TSPAN15: variants seen among roughly 807,000 people sequenced by gnomAD.
TSPAN15 encodes tetraspanin 15, also known as tetraspanin-15.
TSPAN15 carries 20 observed loss-of-function variants against 34.5 expected under a neutral mutation model. The ratio of observed to expected loss-of-function variants is 0.58; its 90% CI spans 0.41 to 0.84. The LOEUF is 0.84. Ranked by LOEUF, TSPAN15 falls within the 40% of genes least tolerant of loss-of-function variation. The pLI is 0.00. For synonymous variants in TSPAN15, 155 were observed against 153.9 expected (o/e 1.01, Z -0.05); for missense variants, 313 against 386.1 (o/e 0.81, Z 1.59).
chr10:69,534,014 ATACTC>A, the TSPAN15 span, among the ~76,000 whole-genome samples: 10 of 152,232 alleles, frequency 6.6e-5, no homozygotes, highest in African/African-American at 2.2e-4. Context: ...TTTCCACACA[ATACTC>A]TAGGAAAATT....
chr10:69,490,726 A>G (rs1049165824), intron 3 of TSPAN15, among the ~76,000 whole-genome samples: 15 of 152,232 alleles, frequency 9.9e-5, no homozygotes, highest in African/African-American at 3.4e-4. Flanking sequence ...TTCTGTCTCA[A>G]ACAAAACAAA....
chr10:69,507,415 G>A lies in TSPAN15; in HGVS notation c.*437G>A. 1 of 1,256,632 alleles carries A rather than the reference G, an allele frequency of 8.0e-7. No homozygotes were observed. The highest frequency in any genetic ancestry group is 2.9e-5 in the Admixed American group (1 of 34,762). The allele number at this position is 1,256,632 out of a possible 1,614,324, so 77.8% of individuals were successfully genotyped here. A position where few individuals can be genotyped will look rare whatever the true frequency, so the allele number is the denominator to read the frequency against. ...ATCTGGGGAAGGGCAGGAGGGAAGA[G>A]CTGTCCATGCAGCCACGCCCATGGC... On this transcript the variant is annotated 3_prime_UTR_variant, in exon 8 of 8. Transcript: ENST00000373290.
At chr10:69,484,822 C>T (rs774471539) in intron 2 of TSPAN15, among the ~76,000 whole-genome samples, 4 of 152,162 alleles carry the variant, frequency 2.6e-5, no homozygotes, top group East Asian at 1.9e-4. Context: ...TCAGTGGCAA[C>T]GAGGCCCAGC....
chr10:69,514,758 A>G, the TSPAN15 span, among the ~76,000 whole-genome samples: 4 of 152,178 alleles, frequency 2.6e-5, no homozygotes, highest in Non-Finnish European at 5.9e-5. Context: ...TAGATTTTAA[A>G]GATCTTCTCA....
At chr10:69,519,194 AT>A in the TSPAN15 span, among the ~76,000 whole-genome samples, 1 of 152,176 alleles carries the variant, frequency 6.6e-6, no homozygotes, top group Non-Finnish European at 1.5e-5. Context: ...AGACAGGTGG[AT>A]TGCTTGAGCC....
chr10:69,542,997 G>A, the TSPAN15 span, among the ~76,000 whole-genome samples: 1 of 152,330 alleles, frequency 6.6e-6, no homozygotes, highest in African/African-American at 2.4e-5. Flanking sequence ...GGATAGTTGG[G>A]GTAGGGGTGG....
At chr10:69,478,001 G>A (rs1841652582) in intron 1 of TSPAN15, among the ~76,000 whole-genome samples, 1 of 152,210 alleles carries the variant, frequency 6.6e-6, no homozygotes, top group African/African-American at 2.4e-5. Context: ...GGTGAAAAAT[G>A]AGGCCCACAA....
the TSPAN15 span, among the ~76,000 whole-genome samples, chr10:69,533,854 T>C: frequency 6.6e-6 from 1 of 152,130 alleles, no homozygotes; most frequent in Non-Finnish European, 1.5e-5. Context: ...TCAAGGTAGA[T>C]AGTGTCAGAA....
chr10:69,525,729 G>C, the TSPAN15 span, among the ~76,000 whole-genome samples: 2 of 145,614 alleles, frequency 1.4e-5, no homozygotes, highest in Non-Finnish European at 3.0e-5. Context: ...GCTGAGGCAG[G>C]AGAATTGCTG....
At chr10:69,539,551 G>A in the TSPAN15 span, among the ~76,000 whole-genome samples, 4,855 of 58,240 alleles carry the variant, frequency 0.083, 560 homozygotes, top group Non-Finnish European at 0.11. Context: ...GAAGGAGAAG[G>A]AGAAGGAGAA....
At chr10:69,542,789 C>T in the TSPAN15 span, among the ~76,000 whole-genome samples, 1 of 152,186 alleles carries the variant, frequency 6.6e-6, no homozygotes. Context: ...CCTCCTATGT[C>T]ATGTGAGGAT....
At chr10:69,485,861 A>G (rs1227937) in intron 3 of TSPAN15, among the ~76,000 whole-genome samples, 114,387 of 152,018 alleles carry the variant, frequency 0.75, 43,862 homozygotes, top group African/African-American at 0.9. Context: ...TTTGATGTAT[A>G]TTTTGGAGGC....
intron 1 of TSPAN15, among the ~76,000 whole-genome samples, chr10:69,471,064 C>A (rs949271925): frequency 6.6e-6 from 1 of 152,200 alleles, no homozygotes; most frequent in Admixed American, 6.5e-5. Context: ...AGCCTTCCTC[C>A]CCGTTTTATT....
rs566546911 is a variant in TSPAN15, at chr10:69,452,297, G to T, written c.96+607G>T. 4.6e-5 allele frequency among the ~76,000 whole-genome samples: 7 copies of T among 152,340 alleles called. No individual in the cohort carries two copies. The South Asian group carries it at 1.4e-3, about 32-fold the overall frequency. ...TTTACCTCCTCCTCTGCCTTGTTAG[G>T]GGGCAGGATGGTAGTGTTTAGACAT... On this transcript the variant is annotated intron_variant, in intron 1 of 7. Transcript: ENST00000373290.
At position 69,451,566 on chromosome 10, in the gene TSPAN15, C is replaced by T; in HGVS notation, c.-29C>T. 1 of 1,400,350 alleles carries T rather than the reference C, an allele frequency of 7.1e-7. No individual in the cohort carries two copies. Among genetic ancestry groups the T allele is most frequent in the Non-Finnish European group, 9.3e-7 (1 of 1,073,786 alleles). 86.7% of individuals were successfully genotyped at this position (1,400,350 alleles called of 1,614,324 possible). On this transcript the variant is annotated 5_prime_UTR_variant, in exon 1 of 8. Transcript: ENST00000373290. Reference sequence around the variant, plus strand: ...GGACCGAGCCGGAGAGCCCCGGAGCCCCCGTAACCCGCGCGGGGAGCGCCC... The same window carrying T: ...GGACCGAGCCGGAGAGCCCCGGAGCTCCCGTAACCCGCGCGGGGAGCGCCC...
chr10:69,547,061 G>A, the TSPAN15 span, among the ~76,000 whole-genome samples: 3 of 151,760 alleles, frequency 2.0e-5, no homozygotes, highest in Non-Finnish European at 4.4e-5. Context: ...AATTAACCGG[G>A]CGTGGAATCA....
intron 4 of TSPAN15, 26 bp from the exon 5 acceptor site, chr10:69,498,254 T>C: frequency 1.9e-6 from 3 of 1,605,354 alleles, no homozygotes; most frequent in Non-Finnish European, 2.6e-6. Flanking sequence ...TGACGGCAGC[T>C]CCTCTTTCCT....
rs906950986 is a variant in TSPAN15 at position 69,471,135 on chromosome 10, C to T, written c.97-12556C>T. 5.3e-5 allele frequency among the ~76,000 whole-genome samples: 8 copies of T among 152,288 alleles called. No individual in the cohort carries two copies. In the East Asian group the frequency reaches 9.6e-4, roughly 18 times the overall value. On this transcript the variant is annotated intron_variant, in intron 1 of 7. Transcript: ENST00000373290. ...TGTTTTTCTTACTTATTTGCCTCTG[C>T]GCAAGTAGAATGTGAGCTCCACCAA... is the stretch of plus-strand genomic sequence containing the variant.
chr10:69,503,647 G>A (rs1227968), intron 5 of TSPAN15, among the ~76,000 whole-genome samples: 59,874 of 151,954 alleles, frequency 0.39, 12,265 homozygotes, highest in African/African-American at 0.5. Flanking sequence ...CATCACTGGC[G>A]CCTGCAGCAC....
Sources: gnomAD v4.1 joint callset for allele counts (sites outside exome capture counted in the v4.1 genomes callset) on GRCh38, gnomAD v4.1.1 for gene constraint, MANE v1.5 for transcripts, NCBI Gene and HGNC (gene_info 2026-07-23, HGNC 2026-07-21) for gene names.